ANK2: variants seen among roughly 807,000 people sequenced by gnomAD.
ANK2 encodes ankyrin-2.
In ANK2, 83 loss-of-function variants were observed where a neutral mutation model predicts 360.5. The ratio of observed to expected loss-of-function variants is 0.23; its 90% CI spans 0.19 to 0.28. The LOEUF is 0.28. Ranked by LOEUF, ANK2 falls within the 10% of genes least tolerant of loss-of-function variation. The pLI, the probability that ANK2 is intolerant of heterozygous loss-of-function variation, is 1.00. For missense variants in ANK2, 4,201 were observed against 4,795.7 expected (o/e 0.88, Z 3.66); for synonymous variants, 1,740 against 1,759.5 (o/e 0.99, Z 0.28).
chr4:112,765,533 C>T, the ANK2 span, among the ~76,000 whole-genome samples: 1 of 152,120 alleles, frequency 6.6e-6, no homozygotes, highest in Non-Finnish European at 1.5e-5. Flanking sequence ...TGTCCTTAAT[C>T]ATGTGATATT....
the ANK2 span, among the ~76,000 whole-genome samples, chr4:112,771,373 C>T: frequency 5.3e-5 from 8 of 152,286 alleles, no homozygotes; most frequent in East Asian, 1.2e-3. Flanking sequence ...CTGCCTCAGC[C>T]TCCTAAAGTG....
chr4:113,081,773 A>G (rs75422613), intron 1 of ANK2, among the ~76,000 whole-genome samples: 3,437 of 152,204 alleles, frequency 0.023, 132 homozygotes, highest in African/African-American at 0.076. Flanking sequence ...TAAGTACTCA[A>G]TAAATATTTG....
chr4:112,786,849 T>C, the ANK2 span, among the ~76,000 whole-genome samples: 1,044 of 150,478 alleles, frequency 6.9e-3, 16 homozygotes, highest in African/African-American at 0.023. Flanking sequence ...CCCAGGTTCA[T>C]GTGATTCTCA....
At chr4:112,922,647 C>T (rs889971585) in intron 2 of ANK2, among the ~76,000 whole-genome samples, 4 of 152,060 alleles carry the variant, frequency 2.6e-5, no homozygotes, top group African/African-American at 9.7e-5. Flanking sequence ...TGGGGTAAGT[C>T]AGTTATTTTG....
At chr4:112,777,360 TC>T in the ANK2 span, among the ~76,000 whole-genome samples, 1 of 151,916 alleles carries the variant, frequency 6.6e-6, no homozygotes, top group South Asian at 2.1e-4. Flanking sequence ...TGCCTCAGCC[TC>T]CTGAATAGCT....
rs146085234 is a variant in ANK2 at position 113,356,589 on chromosome 4, C to T, written c.7971C>T (p.Ser2657=). ...TCCCTGTGTTAGTAACTTCGGAGAG[C>T]AGGAAGGTGTCTTCCTCCTCAGAAA... The part of the protein sequence containing the change: ...SGVPVLVTSE[S]RKVSSSSESE... The change falls in exon 38 of 46, where the codon AGC becomes AGT. Residue 2657 remains serine, a synonymous_variant. Coordinates refer to ENST00000357077, the MANE Select transcript of ANK2 (RefSeq NM_001148.6). 186 of 1,613,958 alleles carry T rather than the reference C, an allele frequency of 1.2e-4. 1 individual carries two copies. The African/African-American group carries it at 2.3e-3, about 20-fold the overall frequency.
At chr4:113,360,626 TG>T (rs1407808709) in intron 38 of ANK2, among the ~76,000 whole-genome samples, 196 bp from the exon 39 acceptor site, 1 of 152,196 alleles carries the variant, frequency 6.6e-6, no homozygotes, top group Non-Finnish European at 1.5e-5. Context: ...TGGAAGCAGA[TG>T]GTTTTCATGA....
intron 1 of ANK2, among the ~76,000 whole-genome samples, chr4:113,101,306 C>T (rs935722002): frequency 2.6e-5 from 4 of 152,108 alleles, no homozygotes; most frequent in Non-Finnish European, 5.9e-5. Context: ...TTTCTCCCTA[C>T]ACTGCCAAAA....
chr4:112,804,041 T>A, the ANK2 span, among the ~76,000 whole-genome samples: 1 of 150,490 alleles, frequency 6.6e-6, no homozygotes, highest in Non-Finnish European at 1.5e-5. Context: ...TTTTTTGAGA[T>A]GGAGTCTCGC....
chr4:112,728,315 A>G, the ANK2 span, among the ~76,000 whole-genome samples: 2 of 150,740 alleles, frequency 1.3e-5, no homozygotes, highest in Non-Finnish European at 1.5e-5. Flanking sequence ...AAAAAAAAAA[A>G]AAAAAGAAAA....
chr4:112,875,251 T>TG (rs773810057), intron 1 of ANK2, among the ~76,000 whole-genome samples: 115 of 152,250 alleles, frequency 7.6e-4, no homozygotes, highest in Non-Finnish European at 1.2e-3. Flanking sequence ...ACTCCTGACT[T>TG]CAAGTGGTCC....
At chr4:112,783,759 C>G in the ANK2 span, among the ~76,000 whole-genome samples, 2 of 151,832 alleles carry the variant, frequency 1.3e-5, no homozygotes. Context: ...ATGCCATTCT[C>G]CTGCCTCAGC....
chr4:113,043,483 C>T (rs1375483390), intron 2 of ANK2, among the ~76,000 whole-genome samples: 1 of 151,936 alleles, frequency 6.6e-6, no homozygotes, highest in African/African-American at 2.4e-5. Flanking sequence ...GTTGCTCAGG[C>T]TGGTCTTGAA....
chr4:112,969,181 T>C (rs1489865065), intron 2 of ANK2, among the ~76,000 whole-genome samples: 1 of 152,244 alleles, frequency 6.6e-6, no homozygotes, highest in Non-Finnish European at 1.5e-5. Flanking sequence ...CTTCAGACCC[T>C]AGGCACTGGA....
At chr4:112,930,975 T>A (rs1307651490) in intron 2 of ANK2, among the ~76,000 whole-genome samples, 1 of 150,628 alleles carries the variant, frequency 6.6e-6, no homozygotes, top group Non-Finnish European at 1.5e-5. Context: ...ATATAGAAAA[T>A]GTCTCAGAGG....
At chr4:113,181,729 T>C (rs559999489) in intron 2 of ANK2, among the ~76,000 whole-genome samples, 1 of 152,076 alleles carries the variant, frequency 6.6e-6, no homozygotes, top group Non-Finnish European at 1.5e-5. Flanking sequence ...GAAGAAGGCT[T>C]GACAGGTGAG....
rs909444690 is a variant in ANK2, at chr4:113,021,697, G to T, written c.21+117183G>T. Among the ~76,000 whole-genome samples, 6 of 151,090 alleles carry T rather than the reference G, an allele frequency of 4.0e-5. No homozygotes were observed. The South Asian group carries it at 1.3e-3, about 32-fold the overall frequency. On this transcript the variant is annotated intron_variant, in intron 2 of 30. Coordinates refer to the ANK2 transcript ENST00000503271. ...ATTCATTGAATGAGATATTTATTAC[G>T]CATTTATGAAAACCTCTGTACTTCT...
chr4:113,284,445 ATCT>A (rs2063592166), intron 18 of ANK2, among the ~76,000 whole-genome samples: 1 of 152,242 alleles, frequency 6.6e-6, no homozygotes. Context: ...CATGAAACTG[ATCT>A]TACAGTGCTT....
intron 9 of ANK2, among the ~76,000 whole-genome samples, chr4:113,245,324 G>T (rs1281899342): frequency 2.0e-5 from 3 of 152,080 alleles, no homozygotes; most frequent in African/African-American, 4.8e-5. Context: ...TTTTTCTTTT[G>T]CTTTTGAAAT....
Sources: allele counts gnomAD v4.1 joint callset (sites outside exome capture counted in the v4.1 genomes callset), GRCh38; gene constraint gnomAD v4.1.1; transcripts MANE v1.5; gene names NCBI Gene and HGNC (gene_info 2026-07-23, HGNC 2026-07-21).